The following ASIC2 variants were observed in gnomAD, a reference collection of about 807,000 sequenced individuals.
ASIC2 encodes acid sensing ion channel subunit 2, also known as acid-sensing ion channel 2.
A neutral mutation model predicts 57.3 loss-of-function variants in ASIC2; 25 were observed. The ratio of observed to expected loss-of-function variants is 0.44; its 90% CI spans 0.32 to 0.61. The LOEUF is 0.61. ASIC2 is among the 20% of genes least tolerant of loss of function. The probability of loss-of-function intolerance (pLI) is 0.06; values close to 1 mark genes in which losing one functional copy is unlikely to be tolerated. For missense variants in ASIC2, 641 were observed against 738.1 expected (o/e 0.87, Z 1.52); for synonymous variants, 319 against 307.5 (o/e 1.04, Z -0.39).
At chr17:34,124,442 T>C (rs1192681272) in intron 1 of ASIC2, among the ~76,000 whole-genome samples, 1 of 152,192 alleles carries the variant, frequency 6.6e-6, no homozygotes, top group Non-Finnish European at 1.5e-5. Context: ...ACACATATGG[T>C]GATACCACTT....
intron 1 of ASIC2, among the ~76,000 whole-genome samples, chr17:33,244,433 G>A (rs1908620122): frequency 6.6e-6 from 1 of 152,190 alleles, no homozygotes; most frequent in Non-Finnish European, 1.5e-5. Flanking sequence ...CACTGTTTAC[G>A]TGAGCCAACA....
intron 1 of ASIC2, among the ~76,000 whole-genome samples, chr17:33,168,394 C>A (rs1401898266): frequency 6.6e-6 from 1 of 152,004 alleles, no homozygotes; most frequent in African/African-American, 2.4e-5. Flanking sequence ...ATAAAAGGAG[C>A]AGTAAGGAAG....
chr17:33,090,043 C>A (rs140379374), intron 2 of ASIC2, among the ~76,000 whole-genome samples: 26 of 152,304 alleles, frequency 1.7e-4, no homozygotes, highest in African/African-American at 6.0e-4. Context: ...CCAAGGACCC[C>A]AGGCTCCTTA....
intron 1 of ASIC2, among the ~76,000 whole-genome samples, chr17:34,014,218 A>T (rs1337160609): frequency 6.6e-6 from 1 of 152,200 alleles, no homozygotes; most frequent in African/African-American, 2.4e-5. Context: ...AAATGAGGTA[A>T]GTAATGCTTT....
At chr17:33,921,344 C>G (rs1013041224) in intron 1 of ASIC2, among the ~76,000 whole-genome samples, 3 of 152,122 alleles carry the variant, frequency 2.0e-5, no homozygotes, top group Non-Finnish European at 4.4e-5. Context: ...ACCATGATAC[C>G]TGTTATTTAC....
chr17:34,073,566 A>C (rs1234321145), intron 1 of ASIC2, among the ~76,000 whole-genome samples: 2 of 152,208 alleles, frequency 1.3e-5, no homozygotes, highest in Non-Finnish European at 2.9e-5. Context: ...AGGATCCATT[A>C]ATTTCTATGG....
rs140608851 is a variant in ASIC2, at chr17:33,527,377, C to T, written c.556-415310G>A. Among the ~76,000 whole-genome samples, 175 of 152,294 alleles carry T rather than the reference C, an allele frequency of 1.1e-3. 4 individuals carry two copies. The East Asian group carries it at 0.028, about 24-fold the overall frequency. On this transcript the variant is annotated intron_variant, in intron 1 of 9. Transcript: ENST00000359872. ...GAAACCAAGTGACTCTTACCAGAAA[C>T]CAACTCTGGAGTAGTTGCCTTGCTC...
intron 1 of ASIC2, among the ~76,000 whole-genome samples, chr17:33,584,042 G>T (rs953262846): frequency 1.3e-5 from 2 of 152,074 alleles, no homozygotes; most frequent in African/African-American, 4.8e-5. Context: ...CCCTAGCCTT[G>T]AACTCTTGGC....
At chr17:33,132,105 T>G (rs1160437914) in intron 1 of ASIC2, among the ~76,000 whole-genome samples, 1 of 152,212 alleles carries the variant, frequency 6.6e-6, no homozygotes, top group Non-Finnish European at 1.5e-5. Flanking sequence ...TAGCCTGACC[T>G]GGGCCACAGC....
chr17:33,153,148 C>G (rs1238628737), intron 1 of ASIC2, among the ~76,000 whole-genome samples: 2 of 152,228 alleles, frequency 1.3e-5, no homozygotes, highest in African/African-American at 2.4e-5. Flanking sequence ...GATGAGGAAA[C>G]AGTCTCAGAA....
At chr17:33,788,282 A>G (rs1911664611) in intron 1 of ASIC2, among the ~76,000 whole-genome samples, 1 of 152,168 alleles carries the variant, frequency 6.6e-6, no homozygotes, top group Non-Finnish European at 1.5e-5. Flanking sequence ...AGACATTTAC[A>G]TGGCCAACAA....
At chr17:33,215,347 G>A (rs974569794) in intron 1 of ASIC2, among the ~76,000 whole-genome samples, 2 of 152,194 alleles carry the variant, frequency 1.3e-5, no homozygotes, top group South Asian at 4.1e-4. Context: ...AAAGAGTCTT[G>A]AAATTATGTA....
chr17:33,295,898 C>G (rs763798715), upstream of ASIC2, among the ~76,000 whole-genome samples: 33 of 152,078 alleles, frequency 2.2e-4, no homozygotes, highest in Non-Finnish European at 3.1e-4. Flanking sequence ...GTTGCCCAGG[C>G]TGGTCTTGAA....
At chr17:33,859,001 T>G (rs1914035963) in intron 1 of ASIC2, among the ~76,000 whole-genome samples, 4 of 152,216 alleles carry the variant, frequency 2.6e-5, no homozygotes, top group Admixed American at 2.6e-4. Context: ...AAACTGCCAT[T>G]GAAAAGATAA....
intron 1 of ASIC2, among the ~76,000 whole-genome samples, chr17:33,877,020 C>A (rs1169646001): frequency 6.6e-6 from 1 of 152,224 alleles, no homozygotes; most frequent in Non-Finnish European, 1.5e-5. Flanking sequence ...AGTGTCTAAA[C>A]AATTACAATA....
chr17:33,461,768 G>C (rs1348253314), intron 1 of ASIC2, among the ~76,000 whole-genome samples: 1 of 152,026 alleles, frequency 6.6e-6, no homozygotes, highest in Non-Finnish European at 1.5e-5. Flanking sequence ...ACATCAAGCA[G>C]TCATTGGCTT....
At chr17:33,529,067 G>A (rs1914971820) in intron 1 of ASIC2, among the ~76,000 whole-genome samples, 1 of 152,214 alleles carries the variant, frequency 6.6e-6, no homozygotes, top group Non-Finnish European at 1.5e-5. Flanking sequence ...AGAGAGTTTG[G>A]CCAAATGAGT....
intron 1 of ASIC2, among the ~76,000 whole-genome samples, chr17:33,918,624 AC>A (rs1915640611): frequency 6.6e-6 from 1 of 152,256 alleles, no homozygotes; most frequent in South Asian, 2.1e-4. Context: ...TAAAGAAATA[AC>A]AAAAAAGTAG....
chr17:34,070,409 C>T (rs1307048474), intron 1 of ASIC2: 1 of 152,146 alleles, frequency 6.6e-6, no homozygotes, highest in Non-Finnish European at 1.5e-5. Flanking sequence ...CCTTCTTGAG[C>T]CACAGGTAGC....
Sources: allele counts gnomAD v4.1 joint callset (sites outside exome capture counted in the v4.1 genomes callset), GRCh38; gene constraint gnomAD v4.1.1; transcripts MANE v1.5; gene names NCBI Gene and HGNC (gene_info 2026-07-23, HGNC 2026-07-21).